The following RPP30 variants were observed in gnomAD, a reference collection of about 807,000 sequenced individuals.
RPP30 encodes the protein ribonuclease P protein subunit p30.
Under a neutral mutation model 38.6 loss-of-function variants are expected in RPP30, and 36 were observed. The observed-to-expected ratio is 0.93, with a 90% CI of 0.71 to 1.23. The LOEUF is 1.23. Ranked by LOEUF, RPP30 falls within the 50% of genes most tolerant of loss-of-function variation. RPP30 has a pLI of 0.00. For synonymous variants in RPP30, 126 were observed against 112.7 expected (o/e 1.12, Z -0.75); for missense variants, 321 against 321.7 (o/e 1.00, Z 0.02).
chr10:90,907,691 C>G (rs1422349565), downstream of RPP30, among the ~76,000 whole-genome samples: 3 of 152,154 alleles, frequency 2.0e-5, no homozygotes, highest in Non-Finnish European at 4.4e-5. Context: ...AGCAGTGTTC[C>G]TGCTACCTGG....
intron 5 of RPP30, 85 bp from the exon 6 acceptor site, chr10:90,885,727 A>T: frequency 2.5e-6 from 2 of 799,442 alleles, no homozygotes; most frequent in Non-Finnish European, 4.3e-6. Context: ...AGTGAACCAT[A>T]CTTTATATCG....
At chr10:90,898,915 T>C (rs898116016) in intron 10 of RPP30, among the ~76,000 whole-genome samples, 4 of 152,232 alleles carry the variant, frequency 2.6e-5, no homozygotes, top group African/African-American at 9.6e-5. Flanking sequence ...TGGGGACACC[T>C]GCCTTAGCCC....
At chr10:90,875,245 AT>A (rs35569744) in intron 2 of RPP30, among the ~76,000 whole-genome samples, 31,521 of 152,032 alleles carry the variant, frequency 0.21, 4,093 homozygotes, top group African/African-American at 0.36. Context: ...TCATGGGCTT[AT>A]TAACTACTTT....
At chr10:90,887,090 C>A (rs1158709839) in intron 6 of RPP30, among the ~76,000 whole-genome samples, 1 of 152,094 alleles carries the variant, frequency 6.6e-6, no homozygotes, top group Non-Finnish European at 1.5e-5. Context: ...ACCTCAGCCT[C>A]CTGAGCAATT....
chr10:90,902,363 A>G (rs747259559), downstream of RPP30: 14 of 383,896 alleles, frequency 3.6e-5, no homozygotes, highest in East Asian at 1.2e-4. Context: ...GACCAGAAGC[A>G]TGCACCACCA....
intron 9 of RPP30, 82 bp downstream of exon 9, chr10:90,895,999 A>T (rs1450712595): frequency 9.4e-7 from 1 of 1,066,312 alleles, no homozygotes; most frequent in Non-Finnish European, 1.4e-6. Context: ...TTGAACATGT[A>T]TTTTTCTCAA....
chr10:90,893,887 A>T (rs1279317273), intron 6 of RPP30, among the ~76,000 whole-genome samples: 1 of 152,230 alleles, frequency 6.6e-6, no homozygotes, highest in Non-Finnish European at 1.5e-5. Flanking sequence ...TCTTTTGTGA[A>T]TGGATGCAGA....
chr10:90,882,865 C>T (rs1440231443), intron 5 of RPP30, among the ~76,000 whole-genome samples: 1 of 152,178 alleles, frequency 6.6e-6, no homozygotes, highest in Admixed American at 6.5e-5. Flanking sequence ...AAATTCATGC[C>T]TTTCCTTTGC....
At chr10:90,875,822 T>C (rs1846844435) in intron 3 of RPP30, among the ~76,000 whole-genome samples, 1 of 152,204 alleles carries the variant, frequency 6.6e-6, no homozygotes, top group African/African-American at 2.4e-5. Flanking sequence ...CTACAATTTT[T>C]AAATTATCTC....
At chr10:90,905,436 T>C (rs567682262), downstream of RPP30, 1 of 152,348 alleles carries the variant, frequency 6.6e-6, no homozygotes, top group African/African-American at 2.4e-5. Context: ...TGGTACAATT[T>C]ATGCTCCTGA....
At position 90,885,885 on chromosome 10, in the gene RPP30, G is replaced by A. The variant is rs185464759; in HGVS notation, c.416G>A (p.Arg139Lys). Residue 139 changes from arginine (R) to lysine (K), a missense_variant, in exon 6 of 11, where the codon AGA becomes AAA. Arg to Lys is a conservative substitution (Grantham distance 26, BLOSUM62 2). Transcript: ENST00000371703. The stretch of plus-strand genomic sequence containing the variant: ...GAGAAACTACCATTTTACTTCAAAA[G>A]ACCTCCTATTAATGTGGTAAGTGTA... The part of the protein sequence containing the change: ...VTEKLPFYFK[R>K]PPINVAIDRG... 1 of 1,600,406 alleles carries A rather than the reference G, an allele frequency of 6.2e-7. No individual in the cohort carries two copies. Among genetic ancestry groups the A allele is most frequent in the Admixed American group, 1.7e-5 (1 of 59,360 alleles).
At chr10:90,896,648 C>T (rs994874332) in intron 10 of RPP30, among the ~76,000 whole-genome samples, 11 of 152,104 alleles carry the variant, frequency 7.2e-5, no homozygotes, top group East Asian at 3.8e-4. Context: ...GTGCTCCTGC[C>T]GACATTTTGA....
downstream of RPP30, chr10:90,903,418 A>C: frequency 1.7e-6 from 1 of 590,448 alleles, no homozygotes; most frequent in East Asian, 2.9e-5. Context: ...TAAGATTTTC[A>C]TGTTATAGAA....
intron 5 of RPP30, among the ~76,000 whole-genome samples, chr10:90,883,299 A>G (rs1292763076): frequency 6.6e-6 from 1 of 152,008 alleles, no homozygotes; most frequent in Non-Finnish European, 1.5e-5. Flanking sequence ...CAAAAAAAAA[A>G]AAAAAAATTG....
At chr10:90,908,027 A>G (rs1229852438), downstream of RPP30, among the ~76,000 whole-genome samples, 6 of 152,206 alleles carry the variant, frequency 3.9e-5, no homozygotes, top group Admixed American at 3.9e-4. Context: ...ACGACATGTC[A>G]CTGTACTGAA....
chr10:90,874,224 A>G (rs995814821), intron 1 of RPP30, among the ~76,000 whole-genome samples: 1 of 152,190 alleles, frequency 6.6e-6, no homozygotes, highest in Non-Finnish European at 1.5e-5. Flanking sequence ...TGGTAGCCCA[A>G]ATGTCCAGAA....
intron 1 of RPP30, among the ~76,000 whole-genome samples, chr10:90,872,661 T>G (rs1180142977): frequency 2.6e-5 from 4 of 152,160 alleles, no homozygotes; most frequent in Non-Finnish European, 5.9e-5. Flanking sequence ...GAGTTAGTCA[T>G]GGGTTCTGTA....
chr10:90,885,708 C>T, intron 5 of RPP30, 104 bp from the exon 6 acceptor site: 1 of 696,386 alleles, frequency 1.4e-6, no homozygotes, highest in Non-Finnish European at 2.5e-6. Flanking sequence ...ACCATCAAAA[C>T]ACCTATGGAG....
At chr10:90,885,480 G>T (rs902814522) in intron 5 of RPP30, among the ~76,000 whole-genome samples, 4 of 152,080 alleles carry the variant, frequency 2.6e-5, no homozygotes, top group Non-Finnish European at 5.9e-5. Flanking sequence ...CTTCTTTCTG[G>T]GACAGTCTGA....
Sources: gnomAD v4.1 joint callset for allele counts (sites outside exome capture counted in the v4.1 genomes callset) on GRCh38, gnomAD v4.1.1 for gene constraint, MANE v1.5 for transcripts, NCBI Gene and HGNC (gene_info 2026-07-23, HGNC 2026-07-21) for gene names.